Variants in KCNJ10 observed in about 807,000 individuals in gnomAD.
KCNJ10 encodes the protein potassium inwardly rectifying channel subfamily J member 10, also known as ATP-sensitive inward rectifier potassium channel 10.
KCNJ10 carries 9 observed loss-of-function variants against 22.2 expected under a neutral mutation model. The observed-to-expected ratio is 0.40, with a 90% CI of 0.24 to 0.71. KCNJ10 has a LOEUF of 0.71. Among genes scored for constraint, KCNJ10 ranks in the 30% least tolerant of loss-of-function variants. KCNJ10 has a pLI of 0.35. For synonymous variants in KCNJ10, 184 were observed against 187.3 expected (o/e 0.98, Z 0.15); for missense variants, 337 against 482.7 (o/e 0.70, Z 2.83).
chr1:160,060,551 T>C (rs552994862), intron 1 of KCNJ10, among the ~76,000 whole-genome samples: 6 of 152,170 alleles, frequency 3.9e-5, no homozygotes, highest in Admixed American at 6.5e-5. Context: ...GGAAACATCA[T>C]GGAGATTAGC....
In KCNJ10 at chr1:160,041,262, A is replaced by T; in HGVS notation, c.*131T>A. On this transcript the variant is annotated 3_prime_UTR_variant, in exon 2 of 2. Coordinates refer to ENST00000644903, the MANE Select transcript of KCNJ10 (RefSeq NM_002241.5). This position sits in a 1 kb window ranked among gnomAD's most constrained non-coding sequence, Gnocchi z 4.4. The stretch of plus-strand genomic sequence containing the variant: ...AGTTGGCCTAAGCTACCAACAGGCC[A>T]CTGGGTTAAAGAAGAGGGAGTGGAG... 1 of 938,914 alleles carries T rather than the reference A, an allele frequency of 1.1e-6. No homozygotes were observed. Among genetic ancestry groups the T allele is most frequent in the East Asian group, 2.6e-5 (1 of 38,150 alleles). The allele number at this position is 938,914 out of a possible 1,614,324, so 58.2% of individuals were successfully genotyped here. A position where few individuals can be genotyped will look rare whatever the true frequency, so the allele number is the denominator to read the frequency against.
intron 1 of KCNJ10, chr1:160,064,887 T>C (rs1649284510): frequency 6.6e-6 from 1 of 152,282 alleles, no homozygotes; most frequent in Non-Finnish European, 1.5e-5. Flanking sequence ...TGACCTCACA[T>C]GTCTGCCACC....
intron 1 of KCNJ10, among the ~76,000 whole-genome samples, chr1:160,069,475 A>G (rs1649401102): frequency 6.6e-6 from 1 of 152,166 alleles, no homozygotes; most frequent in Non-Finnish European, 1.5e-5. Context: ...TCAGAATAGA[A>G]GGAAGAGATT....
chr1:160,050,243 A>G (rs1648868561), intron 1 of KCNJ10, among the ~76,000 whole-genome samples: 1 of 151,338 alleles, frequency 6.6e-6, no homozygotes, highest in African/African-American at 2.4e-5. Context: ...AAGTGATTCT[A>G]CTACCTCATC....
chr1:160,051,288 C>T (rs554031184), intron 1 of KCNJ10, among the ~76,000 whole-genome samples: 22 of 152,174 alleles, frequency 1.4e-4, no homozygotes, highest in African/African-American at 5.3e-4. Flanking sequence ...GGAGTATTTC[C>T]TCTTGCAAAT....
At position 160,041,508 on chromosome 1, in the gene KCNJ10, A is replaced by G; in HGVS notation, c.1025T>C (p.Leu342Pro). 6.2e-7 allele frequency: 1 copy of G among 1,614,152 alleles called. No homozygotes were observed. Among genetic ancestry groups the G allele is most frequent in the East Asian group, 2.2e-5 (1 of 44,888 alleles). Residue 342 changes from leucine to proline, a missense_variant, in exon 2 of 2, where the codon CTC (leucine) becomes CCC (proline). This residue lies in a region of KCNJ10 where 65 missense variants were observed against 66.0 expected (regional missense o/e 0.98). Transcript: ENST00000644903. The surrounding 1 kb of genome is among the most constrained non-coding windows in gnomAD (Gnocchi z 4.4). ...TCCGTAGCGTACAGTGCTGTCACGG[A>G]GGCCACTAGGAGAGGCCACTTTCAC... ...QVVKVASPSG[L>P]RDSTVRYGDP... is the part of the protein sequence containing the mutation.
In KCNJ10 at chr1:160,041,937, C is replaced by G; in HGVS notation, c.596G>C (p.Arg199Pro). The part of the protein sequence containing the change: ...SHNGKPCLMI[R>P]VANMRKSLLI... ...GAGGCTTTTGCGCATATTGGCAACT[C>G]GGATCATGAGGCAGGGCTTGCCATT... is the stretch of plus-strand genomic sequence containing the variant. Residue 199 changes from arginine to proline, a missense_variant, in exon 2 of 2, where the codon CGA (arginine) becomes CCA (proline). Physicochemically the swap from Arg to Pro is moderately radical, Grantham distance 103 (BLOSUM62 -2). Transcript: ENST00000644903. This position sits in a 1 kb window ranked among gnomAD's most constrained non-coding sequence, Gnocchi z 4.4. 1 of 1,612,684 alleles carries G rather than the reference C, an allele frequency of 6.2e-7. No individual in the cohort carries two copies. The highest frequency in any genetic ancestry group is 8.5e-7 in the Non-Finnish European group (1 of 1,178,926).
rs765590257 is a variant in KCNJ10 at position 160,042,128 on chromosome 1, G to A, written c.405C>T (p.Tyr135=). Residue 135 remains tyrosine (Y), a synonymous_variant, in exon 2 of 2, where the codon TAC becomes TAT. Transcript: ENST00000644903. ...TGGCCAGTGGACATTCCTCACTGAT[G>A]TAGCGGAAGCCATAGCCAATGGTGG... The part of the protein sequence containing the change: ...SQTTIGYGFR[Y]ISEECPLAIV... 55 of 1,569,374 alleles carry A rather than the reference G, an allele frequency of 3.5e-5. 1 individual carries two copies. In the South Asian group the frequency reaches 6.0e-4, roughly 17 times the overall value.
chr1:160,046,996 G>A (rs977766230), intron 1 of KCNJ10, among the ~76,000 whole-genome samples: 2 of 152,192 alleles, frequency 1.3e-5, no homozygotes, highest in East Asian at 1.9e-4. Context: ...GACTGAACTA[G>A]TGATCCTTTC....
rs1245222318 is a variant in KCNJ10 at position 160,039,853 on chromosome 1, CA to C, written c.*1539del. 1.3e-5 allele frequency: 2 copies of C among 152,326 alleles called. No homozygotes were observed. The highest frequency in any genetic ancestry group is 4.8e-5 in the African/African-American group (2 of 41,564). The allele number at this position is 152,326 out of a possible 1,614,324, so 9.4% of individuals were successfully genotyped here. On this transcript the variant is annotated 3_prime_UTR_variant, in exon 2 of 2. Transcript: ENST00000644903. ...CCACTATGTGAGGCTTCCTTGGTAC[CA>C]AAGTGAGACCAGAAAGCACTCTAGG...
chr1:160,061,694 A>AT (rs1571274965), intron 1 of KCNJ10, among the ~76,000 whole-genome samples: 1 of 129,114 alleles, frequency 7.7e-6, no homozygotes, highest in East Asian at 2.6e-4. Flanking sequence ...CAGCAAGGGC[A>AT]TGGGGGGGAG....
At chr1:160,049,671 TTATTTATATATATATATATA>T (rs1648830636) in intron 1 of KCNJ10, among the ~76,000 whole-genome samples, 1 of 55,502 alleles carries the variant, frequency 1.8e-5, no homozygotes, top group Non-Finnish European at 3.5e-5. Context: ...AGCATTTTAT[TTATTTATATATATATATATA>T]TATATATATA....
chr1:160,056,450 G>A (rs960587013), intron 1 of KCNJ10, among the ~76,000 whole-genome samples: 5 of 151,996 alleles, frequency 3.3e-5, no homozygotes, highest in Non-Finnish European at 7.4e-5. Flanking sequence ...GTCTTTGCTC[G>A]GGCAGCTCGC....
In KCNJ10 at chr1:160,041,303, G is replaced by A. The variant is rs1648594139; in HGVS notation, c.*90C>T. 1 of 1,309,994 alleles carries A rather than the reference G, an allele frequency of 7.6e-7. No individual in the cohort carries two copies. Among genetic ancestry groups the A allele is most frequent in the African/African-American group, 1.5e-5 (1 of 68,630 alleles). The allele number at this position is 1,309,994 out of a possible 1,614,324, so 81.1% of individuals were successfully genotyped here. ...GGGAGTGGAGGATGGGTGCTTCGGG[G>A]GATCTCCAGTAAACCCGGGTAGTAT... On this transcript the variant is annotated 3_prime_UTR_variant, in exon 2 of 2. Transcript: ENST00000644903. This position sits in a 1 kb window ranked among gnomAD's most constrained non-coding sequence, Gnocchi z 4.4.
At chr1:160,058,024 A>G (rs1158278460) in intron 1 of KCNJ10, among the ~76,000 whole-genome samples, 2 of 152,096 alleles carry the variant, frequency 1.3e-5, no homozygotes, top group African/African-American at 4.8e-5. Context: ...GCCTTCCAGG[A>G]AGGACCATCC....
chr1:160,067,814 G>A (rs1649355680), intron 1 of KCNJ10: 1 of 152,182 alleles, frequency 6.6e-6, no homozygotes, highest in South Asian at 2.1e-4. Flanking sequence ...AGTATCCTTT[G>A]AGGAAACAGA....
intron 1 of KCNJ10, among the ~76,000 whole-genome samples, chr1:160,050,390 C>G (rs1186554687): frequency 1.3e-5 from 2 of 151,970 alleles, no homozygotes; most frequent in Admixed American, 6.6e-5. Context: ...ACCTCAGCCT[C>G]CCTAAATGCA....
At chr1:160,043,122 G>A (rs1002381665) in intron 1 of KCNJ10, among the ~76,000 whole-genome samples, 2 of 152,068 alleles carry the variant, frequency 1.3e-5, no homozygotes, top group Admixed American at 6.6e-5. Context: ...ATTCCTTGAA[G>A]GTGAGGGTGA....
Position 160,040,583 on chromosome 1 carries a change from C to G in KCNJ10, c.*810G>C. 1 of 398,688 alleles carries G rather than the reference C, an allele frequency of 2.5e-6. No individual in the cohort carries two copies. The highest frequency in any genetic ancestry group is 4.4e-6 in the Non-Finnish European group (1 of 226,128). 24.7% of individuals were successfully genotyped at this position (398,688 alleles called of 1,614,324 possible). On this transcript the variant is annotated 3_prime_UTR_variant, in exon 2 of 2. Transcript: ENST00000644903. ...CTTCCATTCACAGGACACAGGGAAA[C>G]AGATCTTCTCTGGGCTGCCTGGAAG...
Sources: allele counts gnomAD v4.1 joint callset (sites outside exome capture counted in the v4.1 genomes callset), GRCh38; gene constraint gnomAD v4.1.1; regional missense constraint gnomAD v4.1.1; non-coding constraint Gnocchi (gnomAD v3.1); transcripts MANE v1.5; gene names NCBI Gene and HGNC (gene_info 2026-07-23, HGNC 2026-07-21).